The following VTI1A variants were observed in gnomAD, a reference collection of about 807,000 sequenced individuals.
The protein encoded by VTI1A is vesicle transport through interaction with t-SNAREs 1A, also known as vesicle transport through interaction with t-SNAREs homolog 1A.
In VTI1A, 22 loss-of-function variants were observed where a neutral mutation model predicts 34.9. That is an observed-to-expected ratio of 0.63 (90% CI 0.45 to 0.90). The LOEUF (loss-of-function observed/expected upper bound fraction) is 0.90. Ranked by LOEUF, VTI1A falls within the 40% of genes least tolerant of loss-of-function variation. VTI1A has a pLI of 0.00. For synonymous variants in VTI1A, 87 were observed against 97.3 expected (o/e 0.89, Z 0.62); for missense variants, 268 against 275.6 (o/e 0.97, Z 0.20).
intron 5 of VTI1A, among the ~76,000 whole-genome samples, chr10:112,616,643 A>G (rs1182779186): frequency 6.6e-6 from 1 of 152,172 alleles, no homozygotes; most frequent in African/African-American, 2.4e-5. Context: ...GTCATTATCA[A>G]TGTAGAATAA....
chr10:112,784,731 C>T (rs1033524030), intron 7 of VTI1A, among the ~76,000 whole-genome samples: 2 of 152,136 alleles, frequency 1.3e-5, no homozygotes, highest in African/African-American at 2.4e-5. Flanking sequence ...GTGCCCAATT[C>T]AAGTGAGGTT....
intron 7 of VTI1A, among the ~76,000 whole-genome samples, chr10:112,704,323 T>C (rs1849118227): frequency 6.6e-6 from 1 of 152,136 alleles, no homozygotes; most frequent in Non-Finnish European, 1.5e-5. Context: ...AAATAGTCTT[T>C]TCTAAATGAA....
chr10:112,782,598 G>A (rs1852166419), intron 7 of VTI1A, among the ~76,000 whole-genome samples: 1 of 152,176 alleles, frequency 6.6e-6, no homozygotes, highest in Admixed American at 6.5e-5. Context: ...ATTATAGTGG[G>A]GCTGTTCGAG....
At chr10:112,559,443 C>T (rs1343098320) in intron 5 of VTI1A, among the ~76,000 whole-genome samples, 1 of 152,126 alleles carries the variant, frequency 6.6e-6, no homozygotes, top group East Asian at 1.9e-4. Context: ...ATCATCTCGT[C>T]AGTATTGAGA....
chr10:112,529,508 T>C (rs957626116), intron 4 of VTI1A, among the ~76,000 whole-genome samples: 1 of 152,144 alleles, frequency 6.6e-6, no homozygotes, highest in Non-Finnish European at 1.5e-5. Context: ...TACTAATCTT[T>C]GTAGCTCAGT....
At chr10:112,673,388 C>T (rs916370278) in intron 7 of VTI1A, among the ~76,000 whole-genome samples, 1 of 151,680 alleles carries the variant, frequency 6.6e-6, no homozygotes, top group Non-Finnish European at 1.5e-5. Context: ...TTCTGTTTGA[C>T]AATCTCAAAT....
At chr10:112,465,220 C>A (rs1289688159) in intron 3 of VTI1A, among the ~76,000 whole-genome samples, 1 of 151,984 alleles carries the variant, frequency 6.6e-6, no homozygotes, top group Non-Finnish European at 1.5e-5. Flanking sequence ...CTGTCTCTTC[C>A]TATATATCTG....
rs78127443 is a variant in VTI1A at position 112,578,364 on chromosome 10, C to T, written c.427+40034C>T. Among the ~76,000 whole-genome samples the T allele has an allele frequency of 1.9e-3, 293 of 152,166 alleles. 1 individual carries two copies. Among genetic ancestry groups the T allele is most frequent in the African/African-American group, 6.6e-3 (276 of 41,520 alleles). On this transcript the variant is annotated intron_variant, in intron 5 of 7. Transcript: ENST00000393077. ...AGTTAGGAGAAACCCTATCAGAAAT[C>T]CACGGTTTCTGGTTGAGTAAAAGGT...
chr10:112,498,547 T>A (rs947181857), intron 3 of VTI1A, among the ~76,000 whole-genome samples: 4 of 151,948 alleles, frequency 2.6e-5, no homozygotes, highest in East Asian at 3.9e-4. Context: ...AAAAAAAAAA[T>A]TTATAAAATG....
At chr10:112,565,913 T>G (rs1024069781) in intron 5 of VTI1A, among the ~76,000 whole-genome samples, 9 of 152,140 alleles carry the variant, frequency 5.9e-5, no homozygotes, top group African/African-American at 2.2e-4. Flanking sequence ...TAGATGTTAG[T>G]AAATGTATAA....
At chr10:112,548,204 C>A (rs1851208422) in intron 5 of VTI1A, among the ~76,000 whole-genome samples, 1 of 152,160 alleles carries the variant, frequency 6.6e-6, no homozygotes, top group Admixed American at 6.5e-5. Flanking sequence ...CACTGTCTTT[C>A]AACTCACCTT....
rs181680296 is a variant in VTI1A at position 112,466,082 on chromosome 10, A to G, written c.264+1425A>G. On this transcript the variant is annotated intron_variant, in intron 3 of 7. Transcript: ENST00000393077. Reference sequence around the variant, plus strand: ...GCGAGGAAAGATCTGAGCCTTACCTATGAGCAACAGAAGTCATGTGTTGGG... The same window carrying G: ...GCGAGGAAAGATCTGAGCCTTACCTGTGAGCAACAGAAGTCATGTGTTGGG... Among the ~76,000 whole-genome samples the G allele has an allele frequency of 3.0e-3, 461 of 152,344 alleles. 3 individuals are homozygous for G. The highest frequency in any genetic ancestry group is 0.011 in the African/African-American group (448 of 41,580).
chr10:112,748,929 G>A (rs7900653), intron 7 of VTI1A, among the ~76,000 whole-genome samples: 1 of 152,048 alleles, frequency 6.6e-6, no homozygotes, highest in African/African-American at 2.4e-5. Flanking sequence ...GCTCCCAGCA[G>A]AAAATGTTTT....
chr10:112,580,948 A>G (rs1241254809), intron 5 of VTI1A, among the ~76,000 whole-genome samples: 1 of 152,210 alleles, frequency 6.6e-6, no homozygotes, highest in Non-Finnish European at 1.5e-5. Context: ...CTGATAGTCC[A>G]TAGCAATAGA....
At chr10:112,737,696 G>A in intron 7 of VTI1A, 1 of 1,057,022 alleles carries the variant, frequency 9.5e-7, no homozygotes, top group Non-Finnish European at 1.1e-6. Flanking sequence ...TGACTGTCAA[G>A]GTCACTGAGA....
intron 7 of VTI1A, among the ~76,000 whole-genome samples, chr10:112,794,220 CA>C (rs937095917): frequency 1.3e-5 from 2 of 150,014 alleles, no homozygotes; most frequent in Admixed American, 6.6e-5. Flanking sequence ...ATGCAAAATG[CA>C]AAAAAAAATT....
At chr10:112,595,710 A>G (rs372762682) in intron 5 of VTI1A, among the ~76,000 whole-genome samples, 2 of 151,546 alleles carry the variant, frequency 1.3e-5, no homozygotes, top group Non-Finnish European at 2.9e-5. Flanking sequence ...TTACACTGTT[A>G]GTAGGACTGT....
chr10:112,801,915 G>A (rs534207976), intron 7 of VTI1A, among the ~76,000 whole-genome samples: 13 of 152,286 alleles, frequency 8.5e-5, no homozygotes, highest in East Asian at 5.8e-4. Flanking sequence ...GTGAAGAATC[G>A]GTTGACTTTG....
At chr10:112,838,443 T>C in the VTI1A span, among the ~76,000 whole-genome samples, 23,690 of 152,286 alleles carry the variant, frequency 0.16, 2,442 homozygotes, top group Middle Eastern at 0.25. Context: ...CTGCACATTA[T>C]GTCATATATG....
Sources: gnomAD v4.1 joint callset for allele counts (sites outside exome capture counted in the v4.1 genomes callset) on GRCh38, gnomAD v4.1.1 for gene constraint, MANE v1.5 for transcripts, NCBI Gene and HGNC (gene_info 2026-07-23, HGNC 2026-07-21) for gene names.